NUCKS1: variants seen among roughly 807,000 people sequenced by gnomAD.
The protein encoded by NUCKS1 is nuclear casein kinase and cyclin dependent kinase substrate 1.
Under a neutral mutation model 33.0 loss-of-function variants are expected in NUCKS1, and 2 were observed. The observed-to-expected ratio is 0.06, with a 90% CI of 0.02 to 0.19. The LOEUF (loss-of-function observed/expected upper bound fraction) is 0.19. Among genes scored for constraint, NUCKS1 ranks in the 10% least tolerant of loss-of-function variants. The pLI, the probability that NUCKS1 is intolerant of heterozygous loss-of-function variation, is 1.00. For missense variants in NUCKS1, 201 were observed against 293.6 expected (o/e 0.68, Z 2.31); for synonymous variants, 106 against 102.8 (o/e 1.03, Z -0.19).
At chr1:205,737,461 C>T (rs1654059251) in intron 1 of NUCKS1, among the ~76,000 whole-genome samples, 1 of 152,180 alleles carries the variant, frequency 6.6e-6, no homozygotes. Context: ...TCCTTTCAGG[C>T]AACAGTGCAA....
chr1:205,730,609 C>G (rs550568064), intron 1 of NUCKS1, among the ~76,000 whole-genome samples: 1 of 152,072 alleles, frequency 6.6e-6, no homozygotes, highest in Non-Finnish European at 1.5e-5. Flanking sequence ...CTGCTTCAGC[C>G]TCCCGAGTAG....
chr1:205,747,665 C>G (rs114702033), intron 1 of NUCKS1, among the ~76,000 whole-genome samples: 1 of 152,212 alleles, frequency 6.6e-6, no homozygotes, highest in Non-Finnish European at 1.5e-5. Flanking sequence ...AAAGACGACA[C>G]AGTGACAATA....
At chr1:205,732,923 C>A (rs971399434) in intron 1 of NUCKS1, among the ~76,000 whole-genome samples, 2 of 151,348 alleles carry the variant, frequency 1.3e-5, no homozygotes, top group Non-Finnish European at 2.9e-5. Flanking sequence ...CATGTTCTGG[C>A]AAAACAGTGA....
At chr1:205,736,520 T>C (rs1654038874) in intron 1 of NUCKS1, among the ~76,000 whole-genome samples, 2 of 151,924 alleles carry the variant, frequency 1.3e-5, no homozygotes, top group Non-Finnish European at 2.9e-5. Flanking sequence ...CAAGGCAGCC[T>C]ATGCTAAGAA....
rs143970303 is a variant in NUCKS1, at chr1:205,738,330, T to C, written c.18-8709A>G. Among the ~76,000 whole-genome samples, 502 of 151,964 alleles carry C rather than the reference T, an allele frequency of 3.3e-3. 3 individuals are homozygous for C. The highest frequency in any genetic ancestry group is 5.2e-3 in the Non-Finnish European group (353 of 67,942). Reference sequence around the variant, plus strand: ...GGCATGAGCCACCATGCCCAGCCTATTTATTTTTAAAAGACAGGTTTTTAC... The same window carrying C: ...GGCATGAGCCACCATGCCCAGCCTACTTATTTTTAAAAGACAGGTTTTTAC... On this transcript the variant is annotated intron_variant, in intron 1 of 6. Transcript: ENST00000367142.
chr1:205,749,393 G>A (rs375448969), intron 1 of NUCKS1, among the ~76,000 whole-genome samples: 1 of 152,200 alleles, frequency 6.6e-6, no homozygotes, highest in African/African-American at 2.4e-5. Context: ...GGCCTGCAGC[G>A]ACCCCGAAGG....
intron 3 of NUCKS1, 74 bp downstream of exon 3, chr1:205,727,626 T>C: frequency 1.0e-6 from 1 of 991,834 alleles, no homozygotes; most frequent in Non-Finnish European, 1.6e-6. Flanking sequence ...ATTCCAACAA[T>C]TTAGAGATCA....
chr1:205,746,445 T>TCACACACACACACACA (rs769978235), intron 1 of NUCKS1, among the ~76,000 whole-genome samples: 1 of 84,870 alleles, frequency 1.2e-5, no homozygotes, highest in African/African-American at 3.8e-5. Context: ...CTTCTCTCTC[T>TCACACACACACACACA]CTCTCTCTCA....
chr1:205,735,361 G>A (rs939504616), intron 1 of NUCKS1, among the ~76,000 whole-genome samples: 2 of 152,144 alleles, frequency 1.3e-5, no homozygotes, highest in African/African-American at 2.4e-5. Flanking sequence ...CAGCCTAGGT[G>A]TGCAGGAGAC....
intron 1 of NUCKS1, among the ~76,000 whole-genome samples, chr1:205,746,487 A>T (rs1021686246): frequency 2.2e-4 from 26 of 116,528 alleles, no homozygotes; most frequent in South Asian, 5.0e-4. Flanking sequence ...ACACACACAC[A>T]CTAGAGAATA....
At chr1:205,720,027 C>G (rs1671893388) in intron 5 of NUCKS1, among the ~76,000 whole-genome samples, 1 of 152,234 alleles carries the variant, frequency 6.6e-6, no homozygotes, top group Non-Finnish European at 1.5e-5. Flanking sequence ...CAAAACTGAA[C>G]TGACAGGGCC....
chr1:205,741,127 C>G (rs1431339067), intron 1 of NUCKS1, among the ~76,000 whole-genome samples: 1 of 150,698 alleles, frequency 6.6e-6, no homozygotes, highest in African/African-American at 2.4e-5. Context: ...GGTGAAAGCC[C>G]GTCTCTACTA....
At chr1:205,729,251 G>C (rs1225614928) in intron 2 of NUCKS1, among the ~76,000 whole-genome samples, 1 of 152,214 alleles carries the variant, frequency 6.6e-6, no homozygotes, top group Non-Finnish European at 1.5e-5. Context: ...TTACAGGCAT[G>C]AGCCATGGCG....
intron 1 of NUCKS1, among the ~76,000 whole-genome samples, chr1:205,746,091 T>C (rs1181724570): frequency 1.3e-5 from 2 of 151,936 alleles, no homozygotes; most frequent in East Asian, 3.9e-4. Flanking sequence ...AGGTCAAGAG[T>C]TCGAGACCAG....
In NUCKS1 at chr1:205,750,048, ACC is replaced by A; in HGVS notation, c.-77_-76del. The A allele has an allele frequency of 2.3e-6, 2 of 870,114 alleles. No individual in the cohort carries two copies. Among genetic ancestry groups the A allele is most frequent in the Non-Finnish European group, 2.9e-6 (2 of 683,104 alleles). The allele number at this position is 870,114 out of a possible 1,614,324, so 53.9% of individuals were successfully genotyped here. ...CCCCACCCCGCGCGCTCGGCGCCCC[ACC>A]CCCCCCGAACTTCAGCCGATGGGAC... On this transcript the variant is annotated 5_prime_UTR_variant, in exon 1 of 7. Transcript: ENST00000367142.
chr1:205,737,919 C>T (rs1448022585), intron 1 of NUCKS1, among the ~76,000 whole-genome samples: 1 of 152,214 alleles, frequency 6.6e-6, no homozygotes, highest in African/African-American at 2.4e-5. Flanking sequence ...ATCAGTATTA[C>T]CACCCCAATA....
intron 1 of NUCKS1, among the ~76,000 whole-genome samples, chr1:205,746,915 C>T (rs1654346428): frequency 6.6e-6 from 1 of 152,152 alleles, no homozygotes; most frequent in Admixed American, 6.5e-5. Flanking sequence ...ACCTGGATCA[C>T]TTTCAATAAG....
chr1:205,716,218 T>G lies in NUCKS1; in HGVS notation c.*2062A>C, dbSNP rs1325715710. ...TATATTAAAGAGACTGTTAAACAAC[T>G]GAGGCTGAAGTTTTAAAAGAGCCCT... On this transcript the variant is annotated 3_prime_UTR_variant, in exon 7 of 7. Transcript: ENST00000367142. 2.6e-5 allele frequency: 4 copies of G among 152,130 alleles called. No individual in the cohort carries two copies. The highest frequency in any genetic ancestry group is 5.9e-5 in the Non-Finnish European group (4 of 68,028). The allele number at this position is 152,130 out of a possible 1,614,324, so 9.4% of individuals were successfully genotyped here.
At chr1:205,746,032 A>C (rs1654312727) in intron 1 of NUCKS1, among the ~76,000 whole-genome samples, 1 of 152,242 alleles carries the variant, frequency 6.6e-6, no homozygotes, top group South Asian at 2.1e-4. Context: ...GCGGTAGTTC[A>C]CGCCTGTAAT....
Sources: gnomAD v4.1 joint callset for allele counts (sites outside exome capture counted in the v4.1 genomes callset) on GRCh38, gnomAD v4.1.1 for gene constraint, MANE v1.5 for transcripts, NCBI Gene and HGNC (gene_info 2026-07-23, HGNC 2026-07-21) for gene names.